The following CRB1 variants were observed in gnomAD, a reference collection of about 807,000 sequenced individuals.
The protein encoded by CRB1 is crumbs cell polarity complex component 1.
Under a neutral mutation model 120.0 loss-of-function variants are expected in CRB1, and 83 were observed. The ratio of observed to expected loss-of-function variants is 0.69; its 90% confidence interval spans 0.58 to 0.83. The LOEUF (loss-of-function observed/expected upper bound fraction) is 0.83, where lower values mean the gene tolerates loss of function less well. CRB1 is among the 40% of genes least tolerant of loss of function. The pLI is 0.00. For synonymous variants in CRB1, 625 were observed against 612.5 expected, an observed-to-expected ratio of 1.02 and a Z score of -0.30; for missense variants, 1,699 against 1,687.6, an observed-to-expected ratio of 1.01 and a Z score of -0.12.
chr1:197,353,482 G>T (rs1203999136), intron 4 of CRB1, among the ~76,000 whole-genome samples: 1 of 152,124 alleles, frequency 6.6e-6, no homozygotes, highest in African/African-American at 2.4e-5. Context: ...TATTGCAAAG[G>T]GCCTTAGGCG....
intron 11 of CRB1, among the ~76,000 whole-genome samples, chr1:197,450,699 G>T (rs909424564): frequency 6.7e-6 from 1 of 149,940 alleles, no homozygotes; most frequent in Non-Finnish European, 1.5e-5. Context: ...CCAGCACTTT[G>T]GGAGGCCGAG....
chr1:197,377,196 G>C (rs114073502), intron 5 of CRB1, among the ~76,000 whole-genome samples: 3 of 151,656 alleles, frequency 2.0e-5, no homozygotes, highest in Admixed American at 2.0e-4. Context: ...GTGATCTTAC[G>C]CACACACACA....
the CRB1 span, among the ~76,000 whole-genome samples, chr1:197,234,318 C>A: frequency 6.6e-6 from 1 of 152,194 alleles, no homozygotes; most frequent in Non-Finnish European, 1.5e-5. Flanking sequence ...TGACTCTTCT[C>A]TCTTGTATAG....
At chr1:197,284,092 G>A (rs560143089) in intron 1 of CRB1, among the ~76,000 whole-genome samples, 1 of 152,002 alleles carries the variant, frequency 6.6e-6, no homozygotes, top group East Asian at 1.9e-4. Flanking sequence ...AAACTGCATA[G>A]GAGTGTTGTG....
At chr1:197,449,734 G>A (rs1427511282) in intron 11 of CRB1, among the ~76,000 whole-genome samples, 2 of 152,274 alleles carry the variant, frequency 1.3e-5, no homozygotes, top group African/African-American at 4.8e-5. Context: ...CTGTAGCAGT[G>A]CCCTCTGTGG....
chr1:197,442,245 C>T lies in CRB1; in HGVS notation c.3958C>T (p.Gln1320Ter), dbSNP rs1246546027. The T allele has an allele frequency of 1.9e-6, 3 of 1,614,058 alleles. No homozygotes were observed. In the African/African-American group the frequency reaches 4.0e-5, roughly 22 times the overall value. ...GLCQDLLNKFQCLCDVAFAGE... is the reference protein window; with the variant it reads ...GLCQDLLNKF ...GTGCCAGGACTTACTCAACAAATTC[C>T]AGTGCCTCTGTGATGTTGCCTTTGC... The change falls in exon 11 of 12, where the codon CAG (glutamine) becomes TAG (stop). Residue 1320 changes from glutamine (Q) to a stop codon, truncating the protein, a stop_gained. Transcript: ENST00000367400. LOFTEE classifies it low-confidence loss of function (END_TRUNC).
chr1:197,294,116 G>C (rs984942955), intron 1 of CRB1, among the ~76,000 whole-genome samples: 1 of 152,118 alleles, frequency 6.6e-6, no homozygotes. Context: ...TACCATCAGG[G>C]TGAAAAGGCA....
In CRB1 at chr1:197,469,143, C is replaced by A. The variant is rs577760096; in HGVS notation, c.4006-8521C>A. Among the ~76,000 whole-genome samples, 12 of 152,188 alleles carry A rather than the reference C, an allele frequency of 7.9e-5. No homozygotes were observed. The South Asian group carries it at 2.5e-3, about 32-fold the overall frequency. ...GCCAAGGTGGGCGGATAGCTTGAGC[C>A]CGGGAGGTCAAGTCTGCAGTGAGCC... On this transcript the variant is annotated intron_variant, in intron 11 of 11. Transcript: ENST00000367400.
the CRB1 span, among the ~76,000 whole-genome samples, chr1:197,248,580 A>G: frequency 3.3e-5 from 5 of 152,108 alleles, no homozygotes; most frequent in East Asian, 9.7e-4. Context: ...TCTAGGGCTT[A>G]AAGATTCTCT....
chr1:197,242,064 G>T, the CRB1 span, among the ~76,000 whole-genome samples: 4 of 152,120 alleles, frequency 2.6e-5, no homozygotes, highest in Admixed American at 6.6e-5. Context: ...TGCTGAAGTT[G>T]CTTATCAGCT....
intron 5 of CRB1, among the ~76,000 whole-genome samples, chr1:197,366,138 T>G (rs1473944634): frequency 6.6e-6 from 1 of 152,126 alleles, no homozygotes; most frequent in Non-Finnish European, 1.5e-5. Context: ...TCATTTATTT[T>G]TATCAATGAC....
chr1:197,333,817 G>A (rs182859815), intron 2 of CRB1, among the ~76,000 whole-genome samples: 1 of 152,290 alleles, frequency 6.6e-6, no homozygotes, highest in Non-Finnish European at 1.5e-5. Flanking sequence ...CAGGTATAAG[G>A]TTTTAGGACC....
At chr1:197,239,156 C>A in the CRB1 span, among the ~76,000 whole-genome samples, 1 of 152,070 alleles carries the variant, frequency 6.6e-6, no homozygotes, top group East Asian at 1.9e-4. Context: ...CCGGGTATAT[C>A]TTCCATGCAA....
At chr1:197,307,386 G>C (rs893429263) in intron 1 of CRB1, among the ~76,000 whole-genome samples, 6 of 152,136 alleles carry the variant, frequency 3.9e-5, no homozygotes, top group African/African-American at 1.4e-4. Flanking sequence ...TAAGTTTAAT[G>C]AATATTTATT....
At chr1:197,374,772 T>A (rs929773130) in intron 5 of CRB1, among the ~76,000 whole-genome samples, 69 of 152,332 alleles carry the variant, frequency 4.5e-4, no homozygotes, top group African/African-American at 1.4e-3. Context: ...TGAAATGATG[T>A]CATTGTTGAC....
At chr1:197,428,480 C>T (rs1664709596) in intron 7 of CRB1, among the ~76,000 whole-genome samples, 1 of 152,170 alleles carries the variant, frequency 6.6e-6, no homozygotes, top group Non-Finnish European at 1.5e-5. Context: ...TATAATTTCT[C>T]AAAGCCCAAG....
intron 2 of CRB1, among the ~76,000 whole-genome samples, chr1:197,338,946 C>T (rs1659306837): frequency 1.3e-5 from 2 of 151,970 alleles, no homozygotes; most frequent in South Asian, 2.1e-4. Context: ...CATCTCGGTT[C>T]TAGAGAGTTA....
chr1:197,425,708 A>T (rs190437724), intron 6 of CRB1, among the ~76,000 whole-genome samples: 1 of 151,562 alleles, frequency 6.6e-6, no homozygotes, highest in East Asian at 1.9e-4. Context: ...GGGACACCAC[A>T]CTCCCTTGGT....
At chr1:197,465,079 T>C (rs1166240640) in intron 11 of CRB1, among the ~76,000 whole-genome samples, 5 of 152,204 alleles carry the variant, frequency 3.3e-5, no homozygotes, top group Admixed American at 6.5e-5. Flanking sequence ...AATTACCCTA[T>C]GTACTGTATA....
Sources: allele counts gnomAD v4.1 joint callset (sites outside exome capture counted in the v4.1 genomes callset), GRCh38; gene constraint gnomAD v4.1.1; transcripts MANE v1.5; gene names NCBI Gene and HGNC (gene_info 2026-07-23, HGNC 2026-07-21).